The following PHF24 variants were observed in gnomAD, a reference collection of about 807,000 sequenced individuals.
The protein encoded by PHF24 is Galpha inhibitory interacting protein.
A neutral mutation model predicts 42.6 loss-of-function variants in PHF24; 25 were observed. The ratio of observed to expected loss-of-function variants is 0.59; its 90% CI spans 0.43 to 0.82. PHF24 has a LOEUF of 0.82. PHF24 is among the 40% of genes least tolerant of loss of function. PHF24 has a pLI of 0.00. For synonymous variants in PHF24, 185 were observed against 204.8 expected, an observed-to-expected ratio of 0.90 and a Z score of 0.83; for missense variants, 470 against 538.1, an observed-to-expected ratio of 0.87 and a Z score of 1.25.
chr9:34,700,760 G>A, the PHF24 span, among the ~76,000 whole-genome samples: 1 of 152,092 alleles, frequency 6.6e-6, no homozygotes, highest in Non-Finnish European at 1.5e-5. Flanking sequence ...AGAGGTCCAA[G>A]TTCTAAGTCC....
At chr9:34,803,707 A>G in the PHF24 span, among the ~76,000 whole-genome samples, 5 of 152,214 alleles carry the variant, frequency 3.3e-5, no homozygotes, top group East Asian at 7.7e-4. Context: ...GCCATCCCCA[A>G]CTGGAATAGG....
chr9:34,912,896 A>G, the PHF24 span, among the ~76,000 whole-genome samples: 1 of 152,226 alleles, frequency 6.6e-6, no homozygotes, highest in Admixed American at 6.5e-5. Flanking sequence ...TATTAGACAA[A>G]TACCTTAAAG....
chr9:34,955,025 T>G (rs1826337839), upstream of PHF24, among the ~76,000 whole-genome samples: 1 of 152,254 alleles, frequency 6.6e-6, no homozygotes, highest in African/African-American at 2.4e-5. Context: ...AACATAATTT[T>G]ACACGACAGC....
At chr9:34,721,688 G>GGT in the PHF24 span, among the ~76,000 whole-genome samples, 2 of 152,130 alleles carry the variant, frequency 1.3e-5, no homozygotes, top group Non-Finnish European at 2.9e-5. Flanking sequence ...CAGGATTACA[G>GGT]GTGTGAGCCA....
the PHF24 span, chr9:34,832,317 G>T: frequency 1.1e-5 from 7 of 631,176 alleles, no homozygotes; most frequent in Admixed American, 2.7e-5. Context: ...CCCTGGTTGG[G>T]GGGCACAAGC....
intron 1 of PHF24, among the ~76,000 whole-genome samples, chr9:34,968,310 G>A (rs1215802624): frequency 1.3e-5 from 2 of 152,058 alleles, no homozygotes; most frequent in African/African-American, 2.4e-5. Context: ...AATTTATTTG[G>A]GGATTAAGAT....
the PHF24 span, among the ~76,000 whole-genome samples, chr9:34,771,931 C>T: frequency 1.3e-5 from 2 of 152,116 alleles, no homozygotes; most frequent in African/African-American, 2.4e-5. Context: ...TTGGCTGAGA[C>T]ATGCTAGGAT....
the PHF24 span, among the ~76,000 whole-genome samples, chr9:34,783,263 A>G: frequency 6.6e-6 from 1 of 152,210 alleles, no homozygotes; most frequent in Non-Finnish European, 1.5e-5. Flanking sequence ...ACACTGCGCC[A>G]TCTTATCCAC....
At chr9:34,953,448 G>A (rs1448257289), upstream of PHF24, among the ~76,000 whole-genome samples, 1 of 152,168 alleles carries the variant, frequency 6.6e-6, no homozygotes, top group African/African-American at 2.4e-5. This position sits in a 1 kb window ranked among gnomAD's most constrained non-coding sequence, Gnocchi z 4.1. Flanking sequence ...TTATACTCAG[G>A]ATTTTTAAGT....
chr9:34,891,641 A>T, the PHF24 span, among the ~76,000 whole-genome samples: 1 of 152,122 alleles, frequency 6.6e-6, no homozygotes, highest in African/African-American at 2.4e-5. Flanking sequence ...CTCTGTTTCA[A>T]TTGCTCCTGG....
chr9:34,964,558 T>C (rs1826703303), intron 1 of PHF24, among the ~76,000 whole-genome samples: 1 of 152,180 alleles, frequency 6.6e-6, no homozygotes, highest in African/African-American at 2.4e-5. Context: ...TTCCCCTTCC[T>C]TATTTCTCTA....
At chr9:34,763,168 C>G in the PHF24 span, among the ~76,000 whole-genome samples, 1 of 152,218 alleles carries the variant, frequency 6.6e-6, no homozygotes, top group Non-Finnish European at 1.5e-5. Flanking sequence ...TTAGGATTGA[C>G]TTGGTGATGC....
the PHF24 span, among the ~76,000 whole-genome samples, chr9:34,909,337 C>T: frequency 6.6e-6 from 1 of 152,150 alleles, no homozygotes; most frequent in Non-Finnish European, 1.5e-5. Flanking sequence ...GGAGGTTTAG[C>T]TAGCCTGTCA....
chr9:34,876,663 T>TA, the PHF24 span, among the ~76,000 whole-genome samples: 5 of 151,774 alleles, frequency 3.3e-5, no homozygotes, highest in Admixed American at 6.6e-5. Flanking sequence ...TGACTATTAT[T>TA]AAAAAAAAGA....
chr9:34,898,168 C>T, the PHF24 span, among the ~76,000 whole-genome samples: 3 of 152,108 alleles, frequency 2.0e-5, no homozygotes, highest in African/African-American at 7.2e-5. Context: ...ATAATGGCTT[C>T]GTTTCCTCCA....
chr9:34,919,713 C>CACACACACACACACACACACACACA, the PHF24 span, among the ~76,000 whole-genome samples: 1 of 151,944 alleles, frequency 6.6e-6, no homozygotes, highest in African/African-American at 2.4e-5. Flanking sequence ...CACACACATC[C>CACACACACACACACACACACACACA]CAACCCCTGG....
At chr9:34,691,015 AAGCAATCTG>A in the PHF24 span, 1 of 1,320,170 alleles carries the variant, frequency 7.6e-7, no homozygotes, top group African/African-American at 1.5e-5. Context: ...GTCCAGTGCC[AAGCAATCTG>A]AGATCTAGAC....
chr9:34,977,516 C>G, intron 6 of PHF24, 30 bp from the exon 7 acceptor site: 1 of 1,582,876 alleles, frequency 6.3e-7, no homozygotes, highest in Non-Finnish European at 8.6e-7. Context: ...CACTATCCCA[C>G]TCCTAACCAC....
At chr9:34,853,753 G>A in the PHF24 span, among the ~76,000 whole-genome samples, 28 of 149,764 alleles carry the variant, frequency 1.9e-4, no homozygotes, top group Non-Finnish European at 3.6e-4. Context: ...GCGTGAACCC[G>A]GGAGGTGGAG....
Sources: allele counts gnomAD v4.1 joint callset (sites outside exome capture counted in the v4.1 genomes callset), GRCh38; gene constraint gnomAD v4.1.1; non-coding constraint Gnocchi (gnomAD v3.1); transcripts MANE v1.5; gene names NCBI Gene and HGNC (gene_info 2026-07-23, HGNC 2026-07-21).